MRTFA: variants seen among roughly 807,000 people sequenced by gnomAD.
MRTFA encodes myocardin-related transcription factor A.
In MRTFA, 20 loss-of-function variants were observed where a neutral mutation model predicts 83.5. That is an observed-to-expected ratio of 0.24 (90% CI 0.17 to 0.35). MRTFA has a LOEUF of 0.35. Among genes scored for constraint, MRTFA ranks in the 10% least tolerant of loss-of-function variants. MRTFA has a pLI of 1.00. For missense variants in MRTFA, 1,200 were observed against 1,224.7 expected (o/e 0.98, Z 0.30); for synonymous variants, 659 against 541.2 (o/e 1.22, Z -3.02).
intron 1 of MRTFA, among the ~76,000 whole-genome samples, chr22:40,624,516 C>T (rs923828167): frequency 6.6e-6 from 1 of 150,926 alleles, no homozygotes; most frequent in African/African-American, 2.4e-5. Flanking sequence ...GGATTAAAAA[C>T]AGGTGCATTC....
At position 40,417,462 on chromosome 22, in the gene MRTFA, G is replaced by A. The variant is rs777225531; in HGVS notation, c.2396C>T (p.Ala799Val). 5.0e-6 allele frequency: 8 copies of A among 1,591,992 alleles called. No individual in the cohort carries two copies. In the South Asian group the frequency reaches 9.0e-5, roughly 18 times the overall value. The change falls in exon 13 of 15, where the codon GCC becomes GTC. Residue 799 changes from alanine to valine, a missense_variant. By Grantham distance (64) the Ala-to-Val change is moderately conservative. Transcript: ENST00000355630. ...CTCCAGGTCCATCTGGGCAGAGGGGGCAGGCGCTGGAGAGCCAGGCTGGGA... is the reference window on the plus strand; with the variant it reads ...CTCCAGGTCCATCTGGGCAGAGGGGACAGGCGCTGGAGAGCCAGGCTGGGA...
chr22:40,479,615 T>C (rs914065352), intron 3 of MRTFA, among the ~76,000 whole-genome samples: 1 of 152,206 alleles, frequency 6.6e-6, no homozygotes, highest in African/African-American at 2.4e-5. Context: ...ACTGAAATGC[T>C]GCCATCTCTT....
At chr22:40,450,871 T>C (rs1341079931) in intron 4 of MRTFA, among the ~76,000 whole-genome samples, 1 of 152,220 alleles carries the variant, frequency 6.6e-6, no homozygotes, top group African/African-American at 2.4e-5. Flanking sequence ...CTTTCAGGAA[T>C]TAGCACAGGG....
At chr22:40,552,789 T>C (rs544476709) in intron 2 of MRTFA, among the ~76,000 whole-genome samples, 236 of 152,246 alleles carry the variant, frequency 1.6e-3, no homozygotes, top group African/African-American at 4.4e-3. Context: ...TTGGTACTGA[T>C]AGAGTGGGAT....
chr22:40,430,391 G>A (rs780695527), intron 6 of MRTFA, among the ~76,000 whole-genome samples: 45 of 152,032 alleles, frequency 3.0e-4, no homozygotes, highest in Non-Finnish European at 5.7e-4. Context: ...GGAAGGCTGA[G>A]ACAGGAGAAT....
rs541146812 is a variant in MRTFA at position 40,414,024 on chromosome 22, C to T, written c.2579-2117G>A. The stretch of plus-strand genomic sequence containing the variant: ...TGCAGTGGACACAGTTTAGTGATTC[C>T]TCAAAAAGTTAAACACAGAAGTTAC... On this transcript the variant is annotated intron_variant, in intron 14 of 14. Coordinates refer to ENST00000355630, the MANE Select transcript of MRTFA (RefSeq NM_020831.6). 9.9e-5 allele frequency among the ~76,000 whole-genome samples: 15 copies of T among 152,256 alleles called. No individual in the cohort carries two copies. The East Asian group carries it at 2.3e-3, about 23-fold the overall frequency.
chr22:40,500,335 TTTTA>T (rs1461162861), intron 3 of MRTFA, among the ~76,000 whole-genome samples: 1 of 26,854 alleles, frequency 3.7e-5, no homozygotes, highest in Non-Finnish European at 1.7e-4. Flanking sequence ...TTGTTACAGT[TTTTA>T]TTTTTTTTAT....
Position 40,510,731 on chromosome 22 carries a change from G to T in MRTFA, c.241+41375C>A, listed in dbSNP as rs529391902. Among the ~76,000 whole-genome samples, 13 of 152,222 alleles carry T rather than the reference G, an allele frequency of 8.5e-5. No individual in the cohort carries two copies. The South Asian group carries it at 2.5e-3, about 29-fold the overall frequency. On this transcript the variant is annotated intron_variant, in intron 3 of 14. Coordinates refer to ENST00000355630, the MANE Select transcript of MRTFA (RefSeq NM_020831.6). ...TGCAGCAAACAATCAGTCTTTGGTG[G>T]TATGCAGTAAACATAAGGAGAGCAC...
At chr22:40,438,336 T>C (rs1206879243) in intron 4 of MRTFA, among the ~76,000 whole-genome samples, 1 of 152,198 alleles carries the variant, frequency 6.6e-6, no homozygotes, top group Non-Finnish European at 1.5e-5. Context: ...ACTGGCTTGA[T>C]TCACTTACAG....
intron 1 of MRTFA, among the ~76,000 whole-genome samples, chr22:40,605,906 A>G (rs1385986967): frequency 6.6e-6 from 1 of 152,228 alleles, no homozygotes; most frequent in Non-Finnish European, 1.5e-5. Context: ...TCAAATTGCT[A>G]AAGTCAGATT....
rs1451052526 is a variant in MRTFA, at chr22:40,410,704, G to A, written c.*686C>T. On this transcript the variant is annotated 3_prime_UTR_variant, in exon 15 of 15. Coordinates refer to ENST00000355630, the MANE Select transcript of MRTFA (RefSeq NM_020831.6). ...ACTGGGCACCAGACTGTGGCACACA[G>A]CTCAAGGGTAACCTTGCATCCAGGC... 1 of 233,260 alleles carries A rather than the reference G, an allele frequency of 4.3e-6. No homozygotes were observed. 14.4% of individuals were successfully genotyped at this position (233,260 alleles called of 1,614,324 possible).
Position 40,463,298 on chromosome 22 carries a change from C to T in MRTFA, c.242-12G>A. 1 of 1,612,848 alleles carries T rather than the reference C, an allele frequency of 6.2e-7. No individual in the cohort carries two copies. Among genetic ancestry groups the T allele is most frequent in the Non-Finnish European group, 8.5e-7 (1 of 1,179,126 alleles). On this transcript the variant is annotated splice_polypyrimidine_tract_variant and intron_variant, in intron 3 of 14. Transcript: ENST00000355630. The stretch of plus-strand genomic sequence containing the variant: ...TTTCAACTGTAGCACTGCAGGGCAG[C>T]AGAGAGAGAGGAGAGATGAGGGGTC...
At chr22:40,429,552 C>T (rs548003502) in intron 7 of MRTFA, 54 bp downstream of exon 7, 2 of 1,607,646 alleles carry the variant, frequency 1.2e-6, no homozygotes, top group Non-Finnish European at 1.7e-6. Flanking sequence ...CTGGCACTCC[C>T]TCCCCTCCTG....
intron 3 of MRTFA, among the ~76,000 whole-genome samples, chr22:40,547,535 G>A (rs1377082120): frequency 6.6e-6 from 1 of 152,102 alleles, no homozygotes; most frequent in Non-Finnish European, 1.5e-5. Flanking sequence ...GTGCCTGGGA[G>A]CTAAGGGATA....
intron 3 of MRTFA, among the ~76,000 whole-genome samples, chr22:40,464,261 A>C (rs922834436): frequency 7.3e-6 from 1 of 136,712 alleles, no homozygotes; most frequent in Non-Finnish European, 1.5e-5. Context: ...AGATCACACT[A>C]CTCTCTCTCA....
intron 3 of MRTFA, among the ~76,000 whole-genome samples, chr22:40,486,696 G>A (rs2054179806): frequency 6.6e-6 from 1 of 152,196 alleles, no homozygotes; most frequent in African/African-American, 2.4e-5. Context: ...GTATTAAGAA[G>A]GGTACAGGGA....
At chr22:40,481,926 G>C (rs2147186258) in intron 3 of MRTFA, among the ~76,000 whole-genome samples, 1 of 152,136 alleles carries the variant, frequency 6.6e-6, no homozygotes, top group Non-Finnish European at 1.5e-5. Context: ...TGGGCGTGGT[G>C]GTGGGCACCT....
intron 3 of MRTFA, among the ~76,000 whole-genome samples, chr22:40,468,752 G>T (rs1426796410): frequency 6.6e-6 from 1 of 152,142 alleles, no homozygotes; most frequent in African/African-American, 2.4e-5. Flanking sequence ...TATGCTTGAG[G>T]AGACCAAAAT....
intron 3 of MRTFA, among the ~76,000 whole-genome samples, chr22:40,533,241 GACA>G (rs895412891): frequency 2.0e-5 from 3 of 152,140 alleles, no homozygotes; most frequent in African/African-American, 7.2e-5. Flanking sequence ...AGTGATTAAA[GACA>G]ACAATGTATA....
Sources: allele counts gnomAD v4.1 joint callset (sites outside exome capture counted in the v4.1 genomes callset), GRCh38; gene constraint gnomAD v4.1.1; transcripts MANE v1.5; gene names NCBI Gene and HGNC (gene_info 2026-07-23, HGNC 2026-07-21).